Variants in TMEM163 observed in about 807,000 individuals in gnomAD.
TMEM163 encodes transmembrane protein 163.
In TMEM163, 17 loss-of-function variants were observed where a neutral mutation model predicts 29.3. That is an observed-to-expected ratio of 0.58 (90% CI 0.40 to 0.87). The LOEUF (loss-of-function observed/expected upper bound fraction) is 0.87. Ranked by LOEUF, TMEM163 falls within the 40% of genes least tolerant of loss-of-function variation. TMEM163 has a pLI of 0.00. For missense variants in TMEM163, 303 were observed against 381.5 expected (o/e 0.79, Z 1.71); for synonymous variants, 157 against 160.6 (o/e 0.98, Z 0.17).
chr2:134,458,105 C>G lies in TMEM163; in HGVS notation c.736G>C (p.Asp246His). 1 of 1,614,204 alleles carries G rather than the reference C, an allele frequency of 6.2e-7. No individual in the cohort carries two copies. The highest frequency in any genetic ancestry group is 8.5e-7 in the Non-Finnish European group (1 of 1,180,040). ...CCGTCCAGGTACCAGACCGCCGAGT[C>G]ATGCTTGAACACTTCCGCGCTCAGA... ...ILLSAEVFKHDSAVWYLDGSI... is the reference protein window; with the variant it reads ...ILLSAEVFKHHSAVWYLDGSI... The change falls in exon 7 of 8, where the codon GAC (aspartate) becomes CAC (histidine). Residue 246 changes from aspartate (D) to histidine (H), a missense_variant. Asp to His is a moderately conservative substitution (Grantham distance 81). Transcript: ENST00000281924.
intron 4 of TMEM163, among the ~76,000 whole-genome samples, chr2:134,529,764 CA>C (rs767848688): frequency 0.012 from 1,651 of 142,692 alleles, 18 homozygotes; most frequent in African/African-American, 0.026. Context: ...GACCCTACCT[CA>C]AAAAAAAAAA....
intron 2 of TMEM163, among the ~76,000 whole-genome samples, chr2:134,600,371 G>T (rs1035701216): frequency 6.6e-6 from 1 of 152,180 alleles, no homozygotes; most frequent in Non-Finnish European, 1.5e-5. Context: ...GAAAGGAAGG[G>T]AAGGGAATCT....
At chr2:134,490,441 G>T (rs941403643) in intron 5 of TMEM163, among the ~76,000 whole-genome samples, 1 of 152,114 alleles carries the variant, frequency 6.6e-6, no homozygotes, top group East Asian at 1.9e-4. Context: ...ACCTTCACAA[G>T]CACCCACAGT....
intron 2 of TMEM163, among the ~76,000 whole-genome samples, chr2:134,689,116 T>G (rs1419232281): frequency 1.3e-5 from 2 of 150,424 alleles, no homozygotes; most frequent in Non-Finnish European, 3.0e-5. Context: ...TTTTGTTTTT[T>G]TTTTTTTTTT....
intron 5 of TMEM163, among the ~76,000 whole-genome samples, chr2:134,490,865 G>A (rs1679413808): frequency 6.6e-6 from 1 of 151,622 alleles, no homozygotes; most frequent in South Asian, 2.1e-4. Flanking sequence ...TCAGAGCTTG[G>A]GAAATAAAAA....
rs1184163695 is a variant in TMEM163, at chr2:134,460,063, T to C, written c.668-1890A>G. Among the ~76,000 whole-genome samples the C allele has an allele frequency of 6.9e-5, 9 of 130,490 alleles. No homozygotes were observed. Among genetic ancestry groups the C allele is most frequent in the East Asian group, 5.1e-4 (2 of 3,952 alleles). 85.6% of individuals were successfully genotyped at this position (130,490 alleles called of 152,430 possible). ...ACCACCAACCTGCCCCTCGAGCCCCTTGCCAGATGTTACCCCCCCCCAAAT... is the reference window on the plus strand; with the variant it reads ...ACCACCAACCTGCCCCTCGAGCCCCCTGCCAGATGTTACCCCCCCCCAAAT... On this transcript the variant is annotated intron_variant, in intron 6 of 7. Coordinates refer to ENST00000281924, the MANE Select transcript of TMEM163 (RefSeq NM_030923.5). This position sits in a 1 kb window ranked among gnomAD's most constrained non-coding sequence, Gnocchi z 4.3.
rs189646177 is a variant in TMEM163 at position 134,639,870 on chromosome 2, T to C, written c.322+73330A>G. 4.8e-3 allele frequency among the ~76,000 whole-genome samples: 724 copies of C among 152,344 alleles called. 29 individuals carry two copies. Among genetic ancestry groups the C allele is most frequent in the Admixed American group, 0.044 (671 of 15,294 alleles). The stretch of plus-strand genomic sequence containing the variant: ...TCTTCTTTGGCTCATTCCTTTATTG[T>C]CAGGTCAGTAATAGCATTAAATTCA... On this transcript the variant is annotated intron_variant, in intron 2 of 7. Coordinates refer to ENST00000281924, the MANE Select transcript of TMEM163 (RefSeq NM_030923.5).
chr2:134,588,151 G>A lies in TMEM163; in HGVS notation c.323-36060C>T, dbSNP rs573797458. Among the ~76,000 whole-genome samples the A allele has an allele frequency of 2.6e-4, 40 of 152,286 alleles. No individual in the cohort carries two copies. The South Asian group carries it at 5.4e-3, about 21-fold the overall frequency. The stretch of plus-strand genomic sequence containing the variant: ...CGTGAATGTGGGAACTATTGGTATC[G>A]TTCCAAAAATCCCACTCCTGGTAGA... On this transcript the variant is annotated intron_variant, in intron 2 of 7. Coordinates refer to ENST00000281924, the MANE Select transcript of TMEM163 (RefSeq NM_030923.5).
chr2:134,568,560 AAAAG>A (rs1681349037), intron 2 of TMEM163, among the ~76,000 whole-genome samples: 1 of 151,556 alleles, frequency 6.6e-6, no homozygotes, highest in Admixed American at 6.6e-5. Context: ...AAAAAGAAAG[AAAAG>A]AAGGAAAAGA....
At chr2:134,681,744 A>G (rs1013072379) in intron 2 of TMEM163, among the ~76,000 whole-genome samples, 2 of 152,160 alleles carry the variant, frequency 1.3e-5, no homozygotes, top group African/African-American at 4.8e-5. Flanking sequence ...GGCAACTTCA[A>G]TCAGGGTGTG....
intron 2 of TMEM163, among the ~76,000 whole-genome samples, chr2:134,580,488 C>T (rs565276329): frequency 4.7e-4 from 72 of 152,306 alleles, no homozygotes; most frequent in African/African-American, 1.7e-3. Context: ...ACTGGCTTCC[C>T]CACATACTAT....
Position 134,579,634 on chromosome 2 carries a change from T to C in TMEM163, c.323-27543A>G, listed in dbSNP as rs114894278. Among the ~76,000 whole-genome samples the C allele has an allele frequency of 8.0e-3, 1,224 of 152,264 alleles. 12 individuals are homozygous for C. Among genetic ancestry groups the C allele is most frequent in the African/African-American group, 0.028 (1,144 of 41,556 alleles). ...CTAATGAACAGGGTGAATGCTCTCC[T>C]AGGGGTAGGAAACTAAATTGGTTCC... On this transcript the variant is annotated intron_variant, in intron 2 of 7. Transcript: ENST00000281924.
chr2:134,469,350 C>T, intron 5 of TMEM163: 1 of 152,154 alleles, frequency 6.6e-6, no homozygotes, highest in East Asian at 1.9e-4. Context: ...GTGGCAGCTT[C>T]AAAAGCACTG....
intron 5 of TMEM163, among the ~76,000 whole-genome samples, chr2:134,479,449 A>G (rs1686993930): frequency 6.6e-6 from 1 of 152,212 alleles, no homozygotes; most frequent in South Asian, 2.1e-4. Flanking sequence ...AGGGATTCCA[A>G]GAACCTGACG....
At chr2:134,703,794 TG>T (rs916527382) in intron 2 of TMEM163, among the ~76,000 whole-genome samples, 9 of 147,038 alleles carry the variant, frequency 6.1e-5, no homozygotes, top group African/African-American at 2.3e-4. Flanking sequence ...GGATGGAGAA[TG>T]GGGGCTGCTG....
chr2:134,666,843 G>C (rs751176798), intron 2 of TMEM163, among the ~76,000 whole-genome samples: 16 of 152,194 alleles, frequency 1.1e-4, no homozygotes, highest in Non-Finnish European at 2.4e-4. Flanking sequence ...GGCCAGCGTA[G>C]AGCAGGCGTT....
intron 2 of TMEM163, among the ~76,000 whole-genome samples, chr2:134,660,985 C>T (rs889661281): frequency 6.6e-6 from 1 of 152,148 alleles, no homozygotes; most frequent in Non-Finnish European, 1.5e-5. Flanking sequence ...CTTTATGAGG[C>T]GTTTCGGTCA....
At chr2:134,476,026 G>A (rs1335072979) in intron 5 of TMEM163, among the ~76,000 whole-genome samples, 1 of 152,188 alleles carries the variant, frequency 6.6e-6, no homozygotes, top group East Asian at 1.9e-4. Flanking sequence ...GCACACCAGT[G>A]TTCTCAGCTG....
intron 2 of TMEM163, among the ~76,000 whole-genome samples, chr2:134,705,948 C>T (rs1241616159): frequency 8.5e-5 from 13 of 152,220 alleles, no homozygotes; most frequent in Admixed American, 8.5e-4. Flanking sequence ...CCCTGTGTCA[C>T]CGCCACGGCT....
Sources: gnomAD v4.1 joint callset for allele counts (sites outside exome capture counted in the v4.1 genomes callset) on GRCh38, gnomAD v4.1.1 for gene constraint, Gnocchi (gnomAD v3.1) non-coding constraint, MANE v1.5 for transcripts, NCBI Gene and HGNC (gene_info 2026-07-23, HGNC 2026-07-21) for gene names.